Variants in ERICH3 observed in about 807,000 individuals in gnomAD.
The protein encoded by ERICH3 is glutamate-rich protein 3.
Under a neutral mutation model 131.1 loss-of-function variants are expected in ERICH3, and 126 were observed. That is an observed-to-expected ratio of 0.96 (90% CI 0.83 to 1.11). The LOEUF (loss-of-function observed/expected upper bound fraction) is 1.11, where lower values mean the gene tolerates loss of function less well. ERICH3 is among the 50% of genes most tolerant of loss of function. The probability of loss-of-function intolerance (pLI) is 0.00; values close to 1 mark genes in which losing one functional copy is unlikely to be tolerated. For missense variants in ERICH3, 2,050 were observed against 1,810.7 expected (o/e 1.13, Z -2.40); for synonymous variants, 695 against 644.6 (o/e 1.08, Z -1.18).
rs904864774 is a variant in ERICH3, at chr1:74,576,787, A to C, written c.2218+108T>G. The C allele has an allele frequency of 2.4e-5, 24 of 980,908 alleles. No individual in the cohort carries two copies. The African/African-American group carries it at 3.8e-4, about 15-fold the overall frequency. The allele number at this position is 980,908 out of a possible 1,614,324, so 60.8% of individuals were successfully genotyped here. On this transcript the variant is annotated intron_variant, in intron 13 of 14. Transcript: ENST00000326665. The stretch of plus-strand genomic sequence containing the variant: ...CACACTTCTTAAAAGTCATTCAATA[A>C]ATACTAGAAAGCCTAGTGATTTCAA...
intron 1 of ERICH3, among the ~76,000 whole-genome samples, chr1:74,671,015 G>A (rs1189769666): frequency 1.3e-5 from 1 of 76,574 alleles, no homozygotes; most frequent in Non-Finnish European, 2.2e-5. Context: ...GGCTTACTAG[G>A]GTGGGGGAAA....
rs762874740 is a variant in ERICH3 at position 74,571,430 on chromosome 1, G to A, written c.4280C>T (p.Thr1427Ile). Residue 1427 changes from threonine (T) to isoleucine (I), a missense_variant, in exon 14 of 15, where the codon ACA (threonine) becomes ATA (isoleucine). By Grantham distance (89) the Thr-to-Ile change is moderately conservative. Coordinates refer to ENST00000326665, the MANE Select transcript of ERICH3 (RefSeq NM_001002912.5). ...AAEEMTVTYT[T>I]EAGVGTPGAL... Reference sequence around the variant, plus strand: ...TCCTGGAGTGCCCACCCCAGCCTCTGTTGTATATGTCACTGTCATCTCCTC... The same window carrying A: ...TCCTGGAGTGCCCACCCCAGCCTCTATTGTATATGTCACTGTCATCTCCTC... 1 of 1,613,944 alleles carries A rather than the reference G, an allele frequency of 6.2e-7. No homozygotes were observed.
chr1:74,572,366 G>C lies in ERICH3; in HGVS notation c.3344C>G (p.Thr1115Arg), dbSNP rs140321323. 678 of 1,613,610 alleles carry C rather than the reference G, an allele frequency of 4.2e-4. 1 individual carries two copies. The highest frequency in any genetic ancestry group is 5.6e-4 in the Non-Finnish European group (661 of 1,179,988). Residue 1115 changes from threonine to arginine, a missense_variant, in exon 14 of 15, where the codon ACA becomes AGA. Thr to Arg is a moderately conservative substitution (Grantham distance 71, BLOSUM62 -1). Coordinates refer to ENST00000326665, the MANE Select transcript of ERICH3 (RefSeq NM_001002912.5). ...TCCCATTTCATTTGGGGGAGCTTTT[G>C]TCTCTTCCTCAGCTCTTACTTCTGT... The part of the protein sequence containing the change: ...TETEVRAEEE[T>R]KAPPNEMGSD...
At position 74,597,692 on chromosome 1, in the gene ERICH3, A is replaced by G. The variant is rs191894103; in HGVS notation, c.1726+2003T>C. ...ATTCAAGTAGTTGCTTAATATTTAA[A>G]AAATATCTTTTGAGAAATCAGCTAT... is the stretch of plus-strand genomic sequence containing the variant. On this transcript the variant is annotated intron_variant, in intron 11 of 14. Coordinates refer to ENST00000326665, the MANE Select transcript of ERICH3 (RefSeq NM_001002912.5). 3.5e-3 allele frequency among the ~76,000 whole-genome samples: 533 copies of G among 152,150 alleles called. 3 individuals are homozygous for G. The highest frequency in any genetic ancestry group is 0.012 in the African/African-American group (518 of 41,546).
At position 74,571,378 on chromosome 1, in the gene ERICH3, T is replaced by C; in HGVS notation, c.4332A>G (p.Leu1444=). 1 of 1,614,004 alleles carries C rather than the reference T, an allele frequency of 6.2e-7. No individual in the cohort carries two copies. The highest frequency in any genetic ancestry group is 8.5e-7 in the Non-Finnish European group (1 of 1,180,000). The part of the protein sequence containing the change: ...PGALERKTSG[L]GQEQEEGSEG... ...CTGACCCTTCCTCTTGCTCCTGTCC[T>C]AGCCCTGAGGTCTTCCGCTCCAGGG... The change falls in exon 14 of 15, where the codon CTA becomes CTG. Residue 1444 remains leucine, a synonymous_variant. Coordinates refer to ENST00000326665, the MANE Select transcript of ERICH3 (RefSeq NM_001002912.5).
chr1:74,662,879 G>T (rs1646656173), intron 1 of ERICH3, among the ~76,000 whole-genome samples: 1 of 152,144 alleles, frequency 6.6e-6, no homozygotes, highest in Non-Finnish European at 1.5e-5. Context: ...AACCAGGCAT[G>T]GTGGCTCACG....
chr1:74,650,834 CTGTGTGTGTG>C (rs5775252), intron 1 of ERICH3, among the ~76,000 whole-genome samples: 3 of 146,002 alleles, frequency 2.1e-5, no homozygotes, highest in Non-Finnish European at 4.5e-5. Context: ...GAGGGGACTA[CTGTGTGTGTG>C]TGTGTGTGTG....
rs1647507004 is a variant in ERICH3, at chr1:74,589,903, G to A, written c.1904C>T (p.Pro635Leu). The change falls in exon 12 of 15, where the codon CCA becomes CTA. Residue 635 changes from proline to leucine, a missense_variant. By Grantham distance (98) the Pro-to-Leu change is moderately conservative. Transcript: ENST00000326665. ...TTCAATTTCTAAGGATTCCTCAATTGGAAGGTGAGACTTTCTTGGCTTATC... is the reference window on the plus strand; with the variant it reads ...TTCAATTTCTAAGGATTCCTCAATTAGAAGGTGAGACTTTCTTGGCTTATC... ...ENDKPRKSHL[P>L]IEESLEIEIE... The A allele has an allele frequency of 6.2e-7, 1 of 1,613,810 alleles. No individual in the cohort carries two copies. The highest frequency in any genetic ancestry group is 1.7e-5 in the Admixed American group (1 of 59,980).
intron 1 of ERICH3, among the ~76,000 whole-genome samples, chr1:74,662,377 A>G (rs1646650323): frequency 6.6e-6 from 1 of 152,180 alleles, no homozygotes; most frequent in Admixed American, 6.5e-5. Flanking sequence ...AAAAGTCATA[A>G]TCTTACATAA....
intron 12 of ERICH3, among the ~76,000 whole-genome samples, chr1:74,586,713 T>C (rs922492289): frequency 2.0e-5 from 3 of 151,966 alleles, no homozygotes; most frequent in African/African-American, 4.8e-5. Context: ...AATAAGGAAA[T>C]GGCTAAATTA....
At chr1:74,598,230 G>A (rs1647947526) in intron 11 of ERICH3, among the ~76,000 whole-genome samples, 1 of 151,778 alleles carries the variant, frequency 6.6e-6, no homozygotes, top group South Asian at 2.1e-4. Flanking sequence ...TATGCTAAAA[G>A]TGAAATTTAG....
rs138396903 is a variant in ERICH3, at chr1:74,654,165, G to A, written c.24-4850C>T. On this transcript the variant is annotated intron_variant, in intron 1 of 14. Coordinates refer to ENST00000326665, the MANE Select transcript of ERICH3 (RefSeq NM_001002912.5). ...TCTAAGAAGATGGAGGTTTTCTCTC[G>A]TTTCTGAGTCCTCACAAGAATCACC... Among the ~76,000 whole-genome samples, 45 of 151,778 alleles carry A rather than the reference G, an allele frequency of 3.0e-4. No individual in the cohort carries two copies. The East Asian group carries it at 6.6e-3, about 22-fold the overall frequency.
At chr1:74,591,605 G>T (rs1647608654) in intron 11 of ERICH3, among the ~76,000 whole-genome samples, 1 of 152,154 alleles carries the variant, frequency 6.6e-6, no homozygotes, top group African/African-American at 2.4e-5. Flanking sequence ...GCAGTGTGAC[G>T]ACAGGGTGCT....
intron 12 of ERICH3, chr1:74,586,472 T>C: frequency 1.0e-6 from 1 of 984,456 alleles, no homozygotes; most frequent in Non-Finnish European, 1.2e-6. Flanking sequence ...CGAGAAAGAC[T>C]TTCACTTTCA....
At chr1:74,606,995 G>T in intron 9 of ERICH3, 93 bp from the exon 10 acceptor site, 2 of 1,179,682 alleles carry the variant, frequency 1.7e-6, no homozygotes, top group South Asian at 1.8e-5. Flanking sequence ...TCTTATTCCA[G>T]TAAAAAAAGA....
chr1:74,593,218 A>G (rs1243963680), intron 11 of ERICH3, among the ~76,000 whole-genome samples: 1 of 152,142 alleles, frequency 6.6e-6, no homozygotes, highest in Admixed American at 6.6e-5. Flanking sequence ...CTCTTTCCAC[A>G]GTCAGGAGCT....
chr1:74,606,485 C>T, intron 10 of ERICH3, 116 bp downstream of exon 10: 2 of 1,083,706 alleles, frequency 1.8e-6, no homozygotes, highest in African/African-American at 1.6e-5. Context: ...GGGCACCCCA[C>T]ATGTAACACA....
intron 12 of ERICH3, among the ~76,000 whole-genome samples, chr1:74,578,902 T>C (rs1468843743): frequency 1.3e-5 from 2 of 152,168 alleles, no homozygotes; most frequent in Admixed American, 6.6e-5. Context: ...GGGAAAATTG[T>C]GACTTAACAA....
At chr1:74,584,834 C>G (rs1169600366) in intron 12 of ERICH3, among the ~76,000 whole-genome samples, 1 of 152,126 alleles carries the variant, frequency 6.6e-6, no homozygotes, top group Non-Finnish European at 1.5e-5. Flanking sequence ...CTGAAGAGGT[C>G]TATTAGAACA....
Sources: allele counts gnomAD v4.1 joint callset (sites outside exome capture counted in the v4.1 genomes callset), GRCh38; gene constraint gnomAD v4.1.1; transcripts MANE v1.5; gene names NCBI Gene and HGNC (gene_info 2026-07-23, HGNC 2026-07-21).